The following FTCDNL1 variants were observed in gnomAD, a reference collection of about 807,000 sequenced individuals.
FTCDNL1 encodes formiminotransferase N-terminal subdomain-containing protein.
FTCDNL1 carries 11 observed loss-of-function variants against 5.9 expected under a neutral mutation model. The observed-to-expected ratio is 1.87, with a 90% CI of 1.18 to 3.10. The LOEUF (loss-of-function observed/expected upper bound fraction) is 3.10, where lower values mean the gene tolerates loss of function less well. Among genes scored for constraint, FTCDNL1 ranks in the 30% most tolerant of loss-of-function variants. The pLI is 0.00. For missense variants in FTCDNL1, 115 were observed against 65.5 expected, an observed-to-expected ratio of 1.76 and a Z score of -2.61; for synonymous variants, 58 against 24.8, an observed-to-expected ratio of 2.34 and a Z score of -3.99.
chr2:199,725,773 TC>T, the FTCDNL1 span, among the ~76,000 whole-genome samples: 1 of 152,198 alleles, frequency 6.6e-6, no homozygotes, highest in Middle Eastern at 3.2e-3. Flanking sequence ...TTGATGGGAT[TC>T]CCTTTGTAGG....
the FTCDNL1 span, among the ~76,000 whole-genome samples, chr2:199,696,605 A>G: frequency 2.6e-5 from 4 of 152,184 alleles, no homozygotes; most frequent in Non-Finnish European, 5.9e-5. Context: ...GTATAACACC[A>G]ACCCTCAAGG....
chr2:199,794,570 G>A (rs1574528894), intron 3 of FTCDNL1, among the ~76,000 whole-genome samples: 1 of 152,094 alleles, frequency 6.6e-6, no homozygotes, highest in Non-Finnish European at 1.5e-5. Flanking sequence ...CACATTCTGA[G>A]GATATTTTAA....
At chr2:199,664,591 G>T in the FTCDNL1 span, among the ~76,000 whole-genome samples, 1 of 151,992 alleles carries the variant, frequency 6.6e-6, no homozygotes, top group Non-Finnish European at 1.5e-5. Context: ...TTATTCACAC[G>T]GTTCCTATAA....
At chr2:199,717,509 ATTTTTTTTT>A in the FTCDNL1 span, among the ~76,000 whole-genome samples, 6 of 57,660 alleles carry the variant, frequency 1.0e-4, no homozygotes, top group Admixed American at 2.9e-4. Flanking sequence ...CAAGGCAGAG[ATTTTTTTTT>A]TTTTTTTTTT....
the FTCDNL1 span, among the ~76,000 whole-genome samples, chr2:199,714,403 A>G: frequency 6.6e-6 from 1 of 152,334 alleles, no homozygotes; most frequent in Non-Finnish European, 1.5e-5. Flanking sequence ...TGAATAAAAT[A>G]TTAAAGATAC....
At chr2:199,767,219 C>A (rs1698578969) in intron 3 of FTCDNL1, among the ~76,000 whole-genome samples, 2 of 152,134 alleles carry the variant, frequency 1.3e-5, no homozygotes, top group African/African-American at 4.8e-5. Flanking sequence ...ATACCAGGTA[C>A]CATGTTTCTC....
chr2:199,696,191 G>A, the FTCDNL1 span, among the ~76,000 whole-genome samples: 1 of 152,176 alleles, frequency 6.6e-6, no homozygotes, highest in African/African-American at 2.4e-5. Flanking sequence ...TAGGGCAAGC[G>A]TGCATGGGCA....
intron 3 of FTCDNL1, among the ~76,000 whole-genome samples, chr2:199,784,674 C>A (rs193120961): frequency 6.6e-6 from 1 of 152,288 alleles, no homozygotes; most frequent in African/African-American, 2.4e-5. Context: ...AGACTTGCCC[C>A]AATTGAGGCG....
the FTCDNL1 span, among the ~76,000 whole-genome samples, chr2:199,671,127 G>A: frequency 6.7e-6 from 1 of 148,748 alleles, no homozygotes; most frequent in African/African-American, 2.5e-5. Flanking sequence ...AGTGGGAAGA[G>A]GAAACCAGGA....
At chr2:199,694,660 T>C in the FTCDNL1 span, among the ~76,000 whole-genome samples, 19 of 152,088 alleles carry the variant, frequency 1.2e-4, no homozygotes, top group African/African-American at 4.1e-4. Flanking sequence ...AACCCATCTC[T>C]GCAAAAAAAT....
chr2:199,717,069 T>C, the FTCDNL1 span, among the ~76,000 whole-genome samples: 1 of 151,696 alleles, frequency 6.6e-6, no homozygotes, highest in African/African-American at 2.4e-5. Flanking sequence ...AATCCAGAAA[T>C]AGGCAAAAAG....
the FTCDNL1 span, among the ~76,000 whole-genome samples, chr2:199,749,604 G>T: frequency 6.8e-4 from 104 of 152,180 alleles, 1 homozygote; most frequent in Non-Finnish European, 2.2e-4. Context: ...TTATTTGAGT[G>T]TTTACTGTGT....
the FTCDNL1 span, among the ~76,000 whole-genome samples, chr2:199,714,392 A>T: frequency 6.6e-6 from 1 of 152,216 alleles, no homozygotes; most frequent in Non-Finnish European, 1.5e-5. Context: ...AACATCAGTC[A>T]TGAATAAAAT....
chr2:199,788,883 G>A (rs1307927025), intron 3 of FTCDNL1, among the ~76,000 whole-genome samples: 1 of 151,892 alleles, frequency 6.6e-6, no homozygotes, highest in Non-Finnish European at 1.5e-5. Context: ...AAAATTATGA[G>A]AATTCTATGT....
At chr2:199,809,028 G>T (rs1436504009), downstream of FTCDNL1, among the ~76,000 whole-genome samples, 2 of 152,080 alleles carry the variant, frequency 1.3e-5, no homozygotes, top group African/African-American at 2.4e-5. Flanking sequence ...GGTCTAACTG[G>T]ACAGCATTTT....
chr2:199,713,278 A>T, the FTCDNL1 span, among the ~76,000 whole-genome samples: 1 of 152,206 alleles, frequency 6.6e-6, no homozygotes, highest in Admixed American at 6.5e-5. Flanking sequence ...ATCCTACTGC[A>T]TGAAAACCTA....
At chr2:199,680,747 G>T in the FTCDNL1 span, among the ~76,000 whole-genome samples, 2 of 152,138 alleles carry the variant, frequency 1.3e-5, no homozygotes, top group Non-Finnish European at 2.9e-5. Flanking sequence ...TGAAGATGAC[G>T]CATAGCCTAT....
chr2:199,707,056 G>C, the FTCDNL1 span, among the ~76,000 whole-genome samples: 4 of 152,286 alleles, frequency 2.6e-5, no homozygotes, highest in Middle Eastern at 6.8e-3. Context: ...AACTACTGCT[G>C]GGCATGTCAG....
the FTCDNL1 span, among the ~76,000 whole-genome samples, chr2:199,689,364 G>T: frequency 1.3e-5 from 2 of 152,172 alleles, no homozygotes; most frequent in Non-Finnish European, 2.9e-5. Flanking sequence ...CTAACTAAGA[G>T]TCCATAATGA....
Sources: gnomAD v4.1 joint callset for allele counts (sites outside exome capture counted in the v4.1 genomes callset) on GRCh38, gnomAD v4.1.1 for gene constraint, MANE v1.5 for transcripts, NCBI Gene and HGNC (gene_info 2026-07-23, HGNC 2026-07-21) for gene names.